ELMOD1: variants seen among roughly 807,000 people sequenced by gnomAD.
ELMOD1 encodes the protein ELMO domain containing 1.
Under a neutral mutation model 46.7 loss-of-function variants are expected in ELMOD1, and 21 were observed. That is an observed-to-expected ratio of 0.45 (90% CI 0.32 to 0.65). The LOEUF (loss-of-function observed/expected upper bound fraction) is 0.65. Among genes scored for constraint, ELMOD1 ranks in the 30% least tolerant of loss-of-function variants. The pLI, the probability that ELMOD1 is intolerant of heterozygous loss-of-function variation, is 0.04. For missense variants in ELMOD1, 348 were observed against 407.8 expected (o/e 0.85, Z 1.26); for synonymous variants, 122 against 138.2 (o/e 0.88, Z 0.82).
chr11:107,630,892 A>G lies in ELMOD1; in HGVS notation c.192+164A>G, dbSNP rs375813204. On this transcript the variant is annotated intron_variant, in intron 4 of 11. Coordinates refer to ENST00000265840, the MANE Select transcript of ELMOD1 (RefSeq NM_018712.4). The stretch of plus-strand genomic sequence containing the variant: ...CATTACAAACCACTGTACTATTTAC[A>G]TGAGAACAGCCACTGTATGTGAATT... 9.2e-5 allele frequency among the ~76,000 whole-genome samples: 14 copies of G among 152,298 alleles called. No homozygotes were observed. In the East Asian group the frequency reaches 2.7e-3, roughly 29 times the overall value.
chr11:107,609,383 C>T (rs1316929923), intron 1 of ELMOD1, among the ~76,000 whole-genome samples: 2 of 152,162 alleles, frequency 1.3e-5, no homozygotes, highest in African/African-American at 4.8e-5. Context: ...TATGAGTCCA[C>T]CAGCCTTTTG....
chr11:107,591,770 A>G (rs1302542379), intron 1 of ELMOD1: 1 of 457,736 alleles, frequency 2.2e-6, no homozygotes, highest in African/African-American at 2.0e-5. Context: ...GGAAGGCGGG[A>G]CAAGGGCGGC....
chr11:107,636,579 A>T (rs1866232409), intron 6 of ELMOD1, among the ~76,000 whole-genome samples: 1 of 152,204 alleles, frequency 6.6e-6, no homozygotes, highest in Non-Finnish European at 1.5e-5. Flanking sequence ...GTAAGAAAAC[A>T]TTTGTTTAGC....
chr11:107,637,784 T>G (rs1333700850), intron 6 of ELMOD1, among the ~76,000 whole-genome samples: 1 of 152,160 alleles, frequency 6.6e-6, no homozygotes, highest in Non-Finnish European at 1.5e-5. Context: ...CCCAATGCCT[T>G]ATTCTAGCCA....
At chr11:107,634,200 C>G (rs1866189014) in intron 5 of ELMOD1, among the ~76,000 whole-genome samples, 1 of 152,076 alleles carries the variant, frequency 6.6e-6, no homozygotes, top group Non-Finnish European at 1.5e-5. Context: ...CATTTTTGAG[C>G]CACAGAAAAT....
At chr11:107,653,618 C>CTCT (rs1866567796) in intron 9 of ELMOD1, 4 of 151,132 alleles carry the variant, frequency 2.6e-5, no homozygotes, top group African/African-American at 4.9e-5. Flanking sequence ...CCTCTCCTCC[C>CTCT]TCTCCTCCTT....
At chr11:107,623,751 T>G (rs1240087476) in intron 2 of ELMOD1, 1 of 152,314 alleles carries the variant, frequency 6.6e-6, no homozygotes, top group East Asian at 1.9e-4. Flanking sequence ...GACTACAAGC[T>G]CCTTGTGGAC....
At chr11:107,599,765 G>GAAAAGAA (rs989681162) in intron 1 of ELMOD1, among the ~76,000 whole-genome samples, 2 of 78,970 alleles carry the variant, frequency 2.5e-5, no homozygotes, top group African/African-American at 1.1e-4. Flanking sequence ...AAAAAGAAAA[G>GAAAAGAA]AAAAAAAAAA....
In ELMOD1 at chr11:107,643,368, G is replaced by GAA. The variant is rs112788240; in HGVS notation, c.421-4084_421-4083dup. On this transcript the variant is annotated intron_variant, in intron 6 of 11. Transcript: ENST00000265840. ...GGTGACAGAATGAGACTCCATCTAG[G>GAA]AAAAAAAAAAAAAAAAAGCATGTGA... 7.6e-3 allele frequency: 1,259 copies of GAA among 166,378 alleles called. 3 individuals are homozygous for GAA. Among genetic ancestry groups the GAA allele is most frequent in the Middle Eastern group, 0.012 (5 of 424 alleles). 10.3% of individuals were successfully genotyped at this position (166,378 alleles called of 1,614,324 possible).
chr11:107,656,437 C>CAT (rs1479119269), intron 11 of ELMOD1, among the ~76,000 whole-genome samples: 10 of 147,084 alleles, frequency 6.8e-5, no homozygotes, highest in African/African-American at 2.2e-4. Flanking sequence ...TATAAAAATA[C>CAT]ATGATATATA....
At chr11:107,605,813 C>T (rs769561782) in intron 1 of ELMOD1, among the ~76,000 whole-genome samples, 2 of 152,124 alleles carry the variant, frequency 1.3e-5, no homozygotes, top group African/African-American at 2.4e-5. Context: ...GGAATGTGGC[C>T]TCAGGGAGAT....
At chr11:107,606,246 A>G (rs181469999) in intron 1 of ELMOD1, among the ~76,000 whole-genome samples, 3 of 152,314 alleles carry the variant, frequency 2.0e-5, no homozygotes, top group African/African-American at 7.2e-5. Context: ...TGCTAATTCA[A>G]ACCTAAGTGA....
chr11:107,650,315 T>C lies in ELMOD1; in HGVS notation c.555-20T>C. The C allele has an allele frequency of 6.4e-7, 1 of 1,551,992 alleles. No individual in the cohort carries two copies. The highest frequency in any genetic ancestry group is 1.4e-5 in the African/African-American group (1 of 73,594). ...AGTAAGCAAGTATAGAGTTACGGTT[T>C]TCTTTCCCTCCCGCTGCAGGTATTT... On this transcript the variant is annotated intron_variant, in intron 7 of 11. Coordinates refer to ENST00000265840, the MANE Select transcript of ELMOD1 (RefSeq NM_018712.4).
chr11:107,626,376 GA>G (rs111962841), intron 2 of ELMOD1, among the ~76,000 whole-genome samples: 2,005 of 66,850 alleles, frequency 0.03, 35 homozygotes, highest in African/African-American at 0.066. Flanking sequence ...ATGCAGTCAT[GA>G]AAAAAAAAAA....
chr11:107,655,496 G>A (rs951116682), intron 10 of ELMOD1, among the ~76,000 whole-genome samples: 3 of 151,326 alleles, frequency 2.0e-5, no homozygotes, highest in Non-Finnish European at 2.9e-5. Context: ...TTTTGATAGG[G>A]TGGGGACGGA....
At position 107,666,677 on chromosome 11, in the gene ELMOD1, A is replaced by G. The variant is rs1199989540; in HGVS notation, c.*1480A>G. 6.6e-6 allele frequency: 1 copy of G among 152,604 alleles called. No homozygotes were observed. Among genetic ancestry groups the G allele is most frequent in the African/African-American group, 2.4e-5 (1 of 41,448 alleles). The allele number at this position is 152,604 out of a possible 1,614,324, so 9.5% of individuals were successfully genotyped here. On this transcript the variant is annotated 3_prime_UTR_variant, in exon 12 of 12. Transcript: ENST00000265840. ...ATACCTTCTGACTATCAATTTTAGTATTATTAGATGTTTGTGTAACCACTT... is the reference window on the plus strand; with the variant it reads ...ATACCTTCTGACTATCAATTTTAGTGTTATTAGATGTTTGTGTAACCACTT...
intron 2 of ELMOD1, among the ~76,000 whole-genome samples, chr11:107,622,454 G>C (rs984630892): frequency 3.9e-5 from 6 of 152,232 alleles, no homozygotes; most frequent in African/African-American, 1.4e-4. Context: ...GCACCTCAAA[G>C]AGGAAGGAGA....
At chr11:107,649,765 TAATG>T (rs1334647076) in intron 7 of ELMOD1, among the ~76,000 whole-genome samples, 2 of 152,236 alleles carry the variant, frequency 1.3e-5, no homozygotes, top group East Asian at 3.8e-4. Flanking sequence ...AAGTACTTTT[TAATG>T]AATCATGTTT....
rs757217787 is a variant in ELMOD1, at chr11:107,654,144, T to A, written c.648-28T>A. On this transcript the variant is annotated intron_variant, in intron 9 of 11. Coordinates refer to ENST00000265840, the MANE Select transcript of ELMOD1 (RefSeq NM_018712.4). ...GTACCAATTAGAGGTTAAATCTGAC[T>A]TACTTACTTATTCATTCATCCATTC... is the stretch of plus-strand genomic sequence containing the variant. 10 of 1,554,768 alleles carry A rather than the reference T, an allele frequency of 6.4e-6. No individual in the cohort carries two copies. The East Asian group carries it at 2.1e-4, about 33-fold the overall frequency.
Sources: gnomAD v4.1 joint callset for allele counts (sites outside exome capture counted in the v4.1 genomes callset) on GRCh38, gnomAD v4.1.1 for gene constraint, MANE v1.5 for transcripts, NCBI Gene and HGNC (gene_info 2026-07-23, HGNC 2026-07-21) for gene names.